The following VPS53 variants were observed in gnomAD, a reference collection of about 807,000 sequenced individuals.
VPS53 encodes the protein VPS53 subunit of GARP complex, also known as vacuolar protein sorting-associated protein 53 homolog.
VPS53 carries 70 observed loss-of-function variants against 107.0 expected under a neutral mutation model. The observed-to-expected ratio is 0.65, with a 90% confidence interval of 0.54 to 0.80. The LOEUF (loss-of-function observed/expected upper bound fraction) is 0.80. VPS53 is among the 30% of genes least tolerant of loss of function. The pLI is 0.00. For missense variants in VPS53, 917 were observed against 1,049.4 expected, an observed-to-expected ratio of 0.87 and a Z score of 1.74; for synonymous variants, 409 against 393.3, an observed-to-expected ratio of 1.04 and a Z score of -0.47.
chr17:680,238 G>A (rs538462510), intron 4 of VPS53, among the ~76,000 whole-genome samples: 2 of 152,166 alleles, frequency 1.3e-5, no homozygotes, highest in Admixed American at 6.5e-5. Flanking sequence ...AGGTTGCAGT[G>A]AGTCAAGATC....
intron 4 of VPS53, among the ~76,000 whole-genome samples, chr17:689,553 A>T (rs556471741): frequency 7.0e-6 from 1 of 143,600 alleles, no homozygotes; most frequent in African/African-American, 2.6e-5. Context: ...AGCTCACTGC[A>T]ACCTCCACTT....
At chr17:647,665 T>C (rs929731332) in intron 7 of VPS53, among the ~76,000 whole-genome samples, 2 of 151,998 alleles carry the variant, frequency 1.3e-5, no homozygotes, top group Non-Finnish European at 2.9e-5. Flanking sequence ...TGGCTCTAGG[T>C]GTGAGGGGTA....
intron 5 of VPS53, among the ~76,000 whole-genome samples, chr17:656,544 A>G (rs549453329): frequency 6.6e-6 from 1 of 152,204 alleles, no homozygotes; most frequent in African/African-American, 2.4e-5. Flanking sequence ...GTGTTGTTTC[A>G]GCAGGTCCAA....
chr17:654,605 C>T (rs1414970595), intron 6 of VPS53, among the ~76,000 whole-genome samples: 4 of 150,688 alleles, frequency 2.7e-5, no homozygotes, highest in Non-Finnish European at 4.5e-5. Flanking sequence ...GGCTTAGTGG[C>T]GGGCGCCTGT....
intron 4 of VPS53, among the ~76,000 whole-genome samples, chr17:689,802 A>T (rs567896610): frequency 7.9e-5 from 12 of 152,270 alleles, no homozygotes; most frequent in Admixed American, 5.9e-4. Flanking sequence ...TGAATTGCAT[A>T]ATATGCTAAT....
At position 515,198 on chromosome 17, in the gene VPS53, G is replaced by C. The variant is rs1375353508; in HGVS notation, c.*3930C>G. 6.6e-6 allele frequency: 1 copy of C among 152,166 alleles called. No individual in the cohort carries two copies. The highest frequency in any genetic ancestry group is 2.1e-4 in the South Asian group (1 of 4,826). The allele number at this position is 152,166 out of a possible 1,614,324, so 9.4% of individuals were successfully genotyped here. ...AATATCTAGGTCTAGCTGAATCACA[G>C]AGCTGTTAGCTGCTGCTTTCATCCA... On this transcript the variant is annotated 3_prime_UTR_variant, in exon 22 of 22. Transcript: ENST00000437048.
chr17:553,867 G>A (rs1449727564), intron 15 of VPS53, among the ~76,000 whole-genome samples: 1 of 152,132 alleles, frequency 6.6e-6, no homozygotes, highest in East Asian at 1.9e-4. Context: ...ACTGTGCCTG[G>A]CCAATCTTAC....
In VPS53 at chr17:519,812, G is replaced by A. The variant is rs1435860189; in HGVS notation, c.2328+14C>T. On this transcript the variant is annotated intron_variant, in intron 21 of 21. Coordinates refer to ENST00000437048, the MANE Select transcript of VPS53 (RefSeq NM_001128159.3). This position sits in a 1 kb window ranked among gnomAD's most constrained non-coding sequence, Gnocchi z 5.0. ...GGGGATGAGCAGGTGTGGACCAAAT[G>A]TCCCGGCACAAACCTTCATGTCCAG... The A allele has an allele frequency of 5.2e-6, 8 of 1,540,450 alleles. No homozygotes were observed. The East Asian group carries it at 7.3e-5, about 14-fold the overall frequency.
chr17:699,494 CATGAT>C (rs1973115896), intron 2 of VPS53, 114 bp from the exon 3 acceptor site: 5 of 793,294 alleles, frequency 6.3e-6, no homozygotes, highest in East Asian at 6.2e-5. Context: ...AATTTAATCA[CATGAT>C]ATGAGTTTTG....
intron 13 of VPS53, 52 bp from the exon 14 acceptor site, chr17:562,797 A>T: frequency 1.9e-6 from 3 of 1,578,534 alleles, no homozygotes; most frequent in Non-Finnish European, 2.6e-6. Flanking sequence ...AGAAAAGTAA[A>T]GCAAATGTGC....
chr17:577,752 G>A (rs138597200), intron 13 of VPS53, among the ~76,000 whole-genome samples: 3,216 of 151,266 alleles, frequency 0.021, 74 homozygotes, highest in Middle Eastern at 0.12. Flanking sequence ...AGAACCTAAT[G>A]CGTTCCCAGA....
In VPS53 at chr17:551,959, CA is replaced by C; in HGVS notation, c.1788-10del. On this transcript the variant is annotated splice_polypyrimidine_tract_variant and intron_variant, in intron 16 of 21. Coordinates refer to ENST00000437048, the MANE Select transcript of VPS53 (RefSeq NM_001128159.3). ...TACTGCTGGAGATGACGCTGCAAAT[CA>C]AACAAATCACTGTGGTCACCCTTTC... The C allele has an allele frequency of 6.3e-7, 1 of 1,583,206 alleles. No individual in the cohort carries two copies. Among genetic ancestry groups the C allele is most frequent in the Non-Finnish European group, 8.6e-7 (1 of 1,162,936 alleles).
In VPS53 at chr17:519,907, C is replaced by T. The variant is rs374460563; in HGVS notation, c.2247G>A (p.Pro749=). ...TGTAGTTGTCAACAAACACCACCAACGGTTCATGAGGGGCCATCACTACCT... is the reference window on the plus strand; with the variant it reads ...TGTAGTTGTCAACAAACACCACCAATGGTTCATGAGGGGCCATCACTACCT... ...ILKVVMAPHE[P]LVVFVDNYIK... Residue 749 remains proline, a synonymous_variant, in exon 21 of 22, where the codon CCG becomes CCA. Coordinates refer to ENST00000437048, the MANE Select transcript of VPS53 (RefSeq NM_001128159.3). This position sits in a 1 kb window ranked among gnomAD's most constrained non-coding sequence, Gnocchi z 5.0. 33 of 1,551,486 alleles carry T rather than the reference C, an allele frequency of 2.1e-5. No homozygotes were observed. Among genetic ancestry groups the T allele is most frequent in the Middle Eastern group, 1.7e-4 (1 of 6,010 alleles).
intron 15 of VPS53, among the ~76,000 whole-genome samples, chr17:557,145 G>GC (rs1441247655): frequency 1.3e-5 from 2 of 152,096 alleles, no homozygotes; most frequent in African/African-American, 2.4e-5. Context: ...GAGCCACCGC[G>GC]CCCCCACTCT....
At chr17:574,731 C>G (rs1914456486) in intron 13 of VPS53, among the ~76,000 whole-genome samples, 1 of 152,116 alleles carries the variant, frequency 6.6e-6, no homozygotes, top group African/African-American at 2.4e-5. Context: ...CGCCTCTGTA[C>G]TCCATCTTAG....
chr17:562,890 A>G (rs910065892), intron 13 of VPS53, 145 bp from the exon 14 acceptor site: 13 of 875,912 alleles, frequency 1.5e-5, no homozygotes, highest in African/African-American at 5.1e-5. Flanking sequence ...ATTTTAATCA[A>G]TATCATCATT....
At chr17:565,426 A>C (rs1008502908) in intron 13 of VPS53, among the ~76,000 whole-genome samples, 1 of 139,022 alleles carries the variant, frequency 7.2e-6, no homozygotes, top group African/African-American at 2.7e-5. Context: ...AAAAAAAAAA[A>C]GAAAGAAAAG....
At chr17:659,424 G>A (rs1287996485) in intron 5 of VPS53, among the ~76,000 whole-genome samples, 3 of 152,122 alleles carry the variant, frequency 2.0e-5, no homozygotes, top group African/African-American at 4.8e-5. Flanking sequence ...GGGATTACAG[G>A]TGTGCTCCAC....
intron 19 of VPS53, among the ~76,000 whole-genome samples, chr17:526,649 A>G (rs1322278757): frequency 6.6e-6 from 1 of 152,184 alleles, no homozygotes; most frequent in East Asian, 1.9e-4. Context: ...AGGGGTGGCT[A>G]TTGCCACATT....
Sources: gnomAD v4.1 joint callset for allele counts (sites outside exome capture counted in the v4.1 genomes callset) on GRCh38, gnomAD v4.1.1 for gene constraint, Gnocchi (gnomAD v3.1) non-coding constraint, MANE v1.5 for transcripts, NCBI Gene and HGNC (gene_info 2026-07-23, HGNC 2026-07-21) for gene names.